The following CHD2 variants were observed in gnomAD, a reference collection of about 807,000 sequenced individuals.
CHD2 encodes the protein chromodomain helicase DNA binding protein 2, also known as ATP-dependent chromatin remodeler CHD2.
CHD2 carries 28 observed loss-of-function variants against 243.9 expected under a neutral mutation model. The ratio of observed to expected loss-of-function variants is 0.11; its 90% CI spans 0.09 to 0.16. The LOEUF (loss-of-function observed/expected upper bound fraction) is 0.16, where lower values mean the gene tolerates loss of function less well. Among genes scored for constraint, CHD2 ranks in the 10% least tolerant of loss-of-function variants. The probability of loss-of-function intolerance (pLI) is 1.00; values close to 1 mark genes in which losing one functional copy is unlikely to be tolerated. For synonymous variants in CHD2, 775 were observed against 779.0 expected, an observed-to-expected ratio of 0.99 and a Z score of 0.09; for missense variants, 1,386 against 2,209.8, an observed-to-expected ratio of 0.63 and a Z score of 7.47.
rs1415225799 is a variant in CHD2, at chr15:93,026,960, G to A, written c.*2255G>A. 1 of 152,592 alleles carries A rather than the reference G, an allele frequency of 6.6e-6. No homozygotes were observed. Among genetic ancestry groups the A allele is most frequent in the Non-Finnish European group, 1.5e-5 (1 of 68,042 alleles). The allele number at this position is 152,592 out of a possible 1,614,324, so 9.5% of individuals were successfully genotyped here. On this transcript the variant is annotated 3_prime_UTR_variant, in exon 39 of 39. Transcript: ENST00000394196. ...GTTGCTGATAGGAGATGTGAGTTAT[G>A]CCCAGAGATGTCTTATCGTGAGGAA...
chr15:92,989,112 A>G (rs939234558), intron 26 of CHD2, among the ~76,000 whole-genome samples: 2 of 144,452 alleles, frequency 1.4e-5, no homozygotes, highest in Non-Finnish European at 3.0e-5. Flanking sequence ...GCTCACTGCA[A>G]CCTCCGCCTC....
At position 92,997,478 on chromosome 15, in the gene CHD2, A is replaced by G; in HGVS notation, c.3885+75A>G. ...ATTTTTATATCGATTACTTATTTCTAACTATTTTCGAGGGGGCATCAAATT... is the reference window on the plus strand; with the variant it reads ...ATTTTTATATCGATTACTTATTTCTGACTATTTTCGAGGGGGCATCAAATT... On this transcript the variant is annotated intron_variant, in intron 30 of 38. Transcript: ENST00000394196. The surrounding 1 kb of genome is among the most constrained non-coding windows in gnomAD (Gnocchi z 4.1). 7.4e-7 allele frequency: 1 copy of G among 1,357,468 alleles called. No individual in the cohort carries two copies. The highest frequency in any genetic ancestry group is 9.8e-7 in the Non-Finnish European group (1 of 1,016,946). The allele number at this position is 1,357,468 out of a possible 1,614,324, so 84.1% of individuals were successfully genotyped here.
At chr15:92,975,211 C>T (rs1039429977) in intron 20 of CHD2, among the ~76,000 whole-genome samples, 1 of 152,038 alleles carries the variant, frequency 6.6e-6, no homozygotes, top group East Asian at 1.9e-4. Context: ...AATCCTTGGG[C>T]GTGGAAGAGC....
At chr15:92,932,657 T>C (rs770362617) in intron 5 of CHD2, among the ~76,000 whole-genome samples, 4 of 152,152 alleles carry the variant, frequency 2.6e-5, no homozygotes, top group Non-Finnish European at 4.4e-5. Context: ...CACAGCCTTC[T>C]TTTGCTTTTA....
rs1233382715 is a variant in CHD2, at chr15:93,027,180, T to G, written c.*2475T>G. On this transcript the variant is annotated 3_prime_UTR_variant, in exon 39 of 39. Transcript: ENST00000394196. ...ATTTCTTCATTGATTTAAATCAGTA[T>G]GAATATTATATGCCTAAATAAAAAA... 1 of 152,654 alleles carries G rather than the reference T, an allele frequency of 6.6e-6. No individual in the cohort carries two copies. Among genetic ancestry groups the G allele is most frequent in the Admixed American group, 6.5e-5 (1 of 15,292 alleles). The allele number at this position is 152,654 out of a possible 1,614,324, so 9.5% of individuals were successfully genotyped here.
intron 33 of CHD2, among the ~76,000 whole-genome samples, chr15:93,003,370 C>T (rs2054281542): frequency 6.6e-6 from 1 of 151,860 alleles, no homozygotes; most frequent in Admixed American, 6.6e-5. Flanking sequence ...TTGAATTTCC[C>T]ATTTTGAAAT....
At chr15:92,911,696 C>G in intron 2 of CHD2, among the ~76,000 whole-genome samples, 1 of 152,170 alleles carries the variant, frequency 6.6e-6, no homozygotes, top group Non-Finnish European at 1.5e-5. Context: ...GATCGCACCA[C>G]TCCACTCTAG....
chr15:92,984,627 A>G (rs913906135), intron 25 of CHD2, 127 bp downstream of exon 25: 14 of 756,916 alleles, frequency 1.8e-5, no homozygotes, highest in Non-Finnish European at 2.5e-5. Flanking sequence ...CAGAGTTGAT[A>G]CTGTAGGAAA....
intron 16 of CHD2, 69 bp downstream of exon 16, chr15:92,956,718 T>G: frequency 7.0e-7 from 1 of 1,422,376 alleles, no homozygotes. Flanking sequence ...TTAACTTTCT[T>G]AGTAGACCTT....
intron 38 of CHD2, among the ~76,000 whole-genome samples, chr15:93,022,869 G>T (rs1309593088): frequency 6.6e-6 from 1 of 152,178 alleles, no homozygotes; most frequent in Non-Finnish European, 1.5e-5. Flanking sequence ...AGGGATCACT[G>T]TTCTTCATTG....
chr15:92,906,817 C>T (rs994721671), intron 2 of CHD2, among the ~76,000 whole-genome samples: 3 of 152,080 alleles, frequency 2.0e-5, no homozygotes, highest in African/African-American at 4.8e-5. Context: ...ATTTTGTGTA[C>T]AGGTGAAAGT....
At chr15:92,938,732 G>A (rs2053308792) in intron 6 of CHD2, among the ~76,000 whole-genome samples, 1 of 152,202 alleles carries the variant, frequency 6.6e-6, no homozygotes, top group South Asian at 2.1e-4. Flanking sequence ...GTGATCATGA[G>A]TATCCATTTC....
intron 13 of CHD2, among the ~76,000 whole-genome samples, chr15:92,950,664 G>A (rs1390574205): frequency 1.3e-5 from 2 of 151,618 alleles, no homozygotes; most frequent in African/African-American, 4.9e-5. Flanking sequence ...GAGGTGGGAG[G>A]ATCGCTTGAG....
In CHD2 at chr15:92,984,360, G is replaced by C. The variant is rs1294453243; in HGVS notation, c.3097G>C (p.Glu1033Gln). The C allele has an allele frequency of 6.3e-7, 1 of 1,587,976 alleles. No homozygotes were observed. The highest frequency in any genetic ancestry group is 2.3e-5 in the East Asian group (1 of 44,224). The change falls in exon 25 of 39, where the codon GAA becomes CAA. Residue 1033 changes from glutamate (E) to glutamine (Q), a missense_variant. Coordinates refer to ENST00000394196, the MANE Select transcript of CHD2 (RefSeq NM_001271.4). ...VANFATMEDE[E>Q]ELEERPHKDW... The stretch of plus-strand genomic sequence containing the variant: ...CAACTTTGCAACAATGGAAGATGAA[G>C]AAGAGCTAGAAGAGCGTCCTCACAA...
intron 2 of CHD2, among the ~76,000 whole-genome samples, chr15:92,905,239 A>G (rs891190251): frequency 1.3e-5 from 2 of 152,154 alleles, no homozygotes; most frequent in African/African-American, 4.8e-5. Context: ...AATCTTCGCA[A>G]TTATCTTCCC....
At chr15:92,915,368 G>A (rs2052814924) in intron 2 of CHD2, among the ~76,000 whole-genome samples, 2 of 151,854 alleles carry the variant, frequency 1.3e-5, no homozygotes, top group Non-Finnish European at 2.9e-5. Flanking sequence ...TCCGCCTCCC[G>A]GGTTCACGCC....
chr15:92,975,695 G>T (rs900017719), intron 20 of CHD2, among the ~76,000 whole-genome samples: 1 of 151,538 alleles, frequency 6.6e-6, no homozygotes, highest in African/African-American at 2.4e-5. Flanking sequence ...AGATAGAACA[G>T]ACTTAGCTTT....
Position 93,025,137 on chromosome 15 carries a change from T to A in CHD2, c.*432T>A, listed in dbSNP as rs2054576415. On this transcript the variant is annotated 3_prime_UTR_variant, in exon 39 of 39. Transcript: ENST00000394196. ...GAGGCTGCTGGGACCTGGTGAACAG[T>A]GTGTGATTTGGTTGATTTGGTTCAC... is the stretch of plus-strand genomic sequence containing the variant. The A allele has an allele frequency of 5.9e-6, 1 of 170,304 alleles. No homozygotes were observed. The highest frequency in any genetic ancestry group is 1.8e-4 in the East Asian group (1 of 5,452). The allele number at this position is 170,304 out of a possible 1,614,324, so 10.5% of individuals were successfully genotyped here.
At chr15:92,991,673 T>G in intron 27 of CHD2, 156 bp downstream of exon 27, 1 of 511,540 alleles carries the variant, frequency 2.0e-6, no homozygotes, top group East Asian at 3.3e-5. Flanking sequence ...GGGTGCCTGT[T>G]CATTCATGTC....
Sources: allele counts gnomAD v4.1 joint callset (sites outside exome capture counted in the v4.1 genomes callset), GRCh38; gene constraint gnomAD v4.1.1; non-coding constraint Gnocchi (gnomAD v3.1); transcripts MANE v1.5; gene names NCBI Gene and HGNC (gene_info 2026-07-23, HGNC 2026-07-21).